Variants in TRPM3 observed in about 807,000 individuals in gnomAD.
The protein encoded by TRPM3 is transient receptor potential cation channel subfamily M member 3.
TRPM3 carries 77 observed loss-of-function variants against 181.2 expected under a neutral mutation model. That is an observed-to-expected ratio of 0.42 (90% CI 0.35 to 0.51). TRPM3 has a LOEUF of 0.51. TRPM3 is among the 20% of genes least tolerant of loss of function. The pLI is 0.01. For synonymous variants in TRPM3, 745 were observed against 796.4 expected, an observed-to-expected ratio of 0.94 and a Z score of 1.09; for missense variants, 1,759 against 2,196.7, an observed-to-expected ratio of 0.80 and a Z score of 3.98.
At chr9:70,913,957 G>C (rs963148347) in intron 1 of TRPM3, among the ~76,000 whole-genome samples, 3 of 152,116 alleles carry the variant, frequency 2.0e-5, no homozygotes, top group African/African-American at 7.2e-5. Context: ...AAGAAATGAA[G>C]GTATTGACCC....
intron 1 of TRPM3, among the ~76,000 whole-genome samples, chr9:71,097,243 C>T (rs1030619692): frequency 1.3e-5 from 2 of 151,826 alleles, no homozygotes; most frequent in African/African-American, 4.8e-5. Context: ...TAGTGATATT[C>T]AGAACACTTA....
rs1323779483 is a variant in TRPM3 at position 70,536,391 on chromosome 9, A to T, written c.4722T>A (p.Ile1574=). ...DTRCVNAPQA[I]ADRAAFPGGL... ...CTCCAGGGAAGGCAGCTCTGTCCGC[A>T]ATTGCTTGAGGGGCATTGACACACC... The change falls in exon 26 of 26, where the codon ATT becomes ATA. Residue 1574 remains isoleucine (I), a synonymous_variant. Coordinates refer to ENST00000677713, the MANE Select transcript of TRPM3 (RefSeq NM_001366145.2). 8 of 1,614,052 alleles carry T rather than the reference A, an allele frequency of 5.0e-6. No homozygotes were observed. In the South Asian group the frequency reaches 8.8e-5, roughly 18 times the overall value.
intron 22 of TRPM3, among the ~76,000 whole-genome samples, chr9:70,558,892 G>A (rs1016220218): frequency 6.6e-6 from 1 of 152,162 alleles, no homozygotes; most frequent in African/African-American, 2.4e-5. Context: ...CATGGCAGAA[G>A]CCTGGAAATG....
At chr9:71,229,657 A>C (rs887151055) in intron 1 of TRPM3, among the ~76,000 whole-genome samples, 13 of 152,232 alleles carry the variant, frequency 8.5e-5, no homozygotes, top group Non-Finnish European at 1.8e-4. Context: ...AAAAGAAGAC[A>C]AATGACAAAT....
At chr9:71,193,985 A>C (rs892153403) in intron 1 of TRPM3, among the ~76,000 whole-genome samples, 3 of 152,010 alleles carry the variant, frequency 2.0e-5, no homozygotes, top group Non-Finnish European at 4.4e-5. Flanking sequence ...ATATGCATAC[A>C]CATATACAAA....
intron 1 of TRPM3, among the ~76,000 whole-genome samples, chr9:71,153,364 C>T (rs533206536): frequency 2.7e-4 from 41 of 150,778 alleles, no homozygotes; most frequent in Non-Finnish European, 5.0e-4. Flanking sequence ...CAATCTCAGC[C>T]CACTGCAACC....
chr9:71,184,326 C>T (rs1172119167), intron 1 of TRPM3, among the ~76,000 whole-genome samples: 1 of 152,128 alleles, frequency 6.6e-6, no homozygotes, highest in Non-Finnish European at 1.5e-5. Flanking sequence ...TCATCCTTAG[C>T]AAGGGCCTCA....
intron 1 of TRPM3, among the ~76,000 whole-genome samples, chr9:71,086,887 T>C (rs921884379): frequency 1.3e-5 from 2 of 152,062 alleles, no homozygotes; most frequent in Non-Finnish European, 2.9e-5. Context: ...TTAGTGCCTC[T>C]TGAAATTTAC....
intron 1 of TRPM3, among the ~76,000 whole-genome samples, chr9:71,145,459 C>T (rs931753783): frequency 7.2e-5 from 11 of 152,112 alleles, no homozygotes; most frequent in African/African-American, 2.7e-4. Context: ...AAATACCACA[C>T]CATTGGACTG....
intron 1 of TRPM3, 69 bp from the exon 2 acceptor site, chr9:70,864,580 T>G: frequency 8.3e-7 from 1 of 1,207,138 alleles, no homozygotes; most frequent in Non-Finnish European, 1.1e-6. Context: ...TGAAATATTT[T>G]TAACTAGAAA....
intron 1 of TRPM3, among the ~76,000 whole-genome samples, chr9:71,008,357 C>T (rs966329551): frequency 1.3e-5 from 2 of 149,808 alleles, no homozygotes; most frequent in Non-Finnish European, 2.9e-5. Flanking sequence ...TATATTAATA[C>T]TTCTCAAACT....
intron 1 of TRPM3, among the ~76,000 whole-genome samples, chr9:70,890,416 T>A (rs942547381): frequency 5.3e-5 from 8 of 151,860 alleles, no homozygotes; most frequent in African/African-American, 4.8e-5. Context: ...ATCAAAAAAA[T>A]TGATATAAGA....
Position 70,924,073 on chromosome 9 carries a change from G to A in TRPM3, c.178-59562C>T, listed in dbSNP as rs553575187. 6.4e-4 allele frequency among the ~76,000 whole-genome samples: 97 copies of A among 151,390 alleles called. 1 individual carries two copies. Among genetic ancestry groups the A allele is most frequent in the Non-Finnish European group, 9.3e-4 (63 of 67,864 alleles). On this transcript the variant is annotated intron_variant, in intron 1 of 25. Coordinates refer to ENST00000677713, the MANE Select transcript of TRPM3 (RefSeq NM_001366145.2). Reference sequence around the variant, plus strand: ...ACTGAGGGCAATTTTGCTGTCTCCCGTCTAGGACATTTGGCAATGTCTGCA... The same window carrying A: ...ACTGAGGGCAATTTTGCTGTCTCCCATCTAGGACATTTGGCAATGTCTGCA...
At chr9:71,075,670 CA>C (rs2063355043) in intron 1 of TRPM3, among the ~76,000 whole-genome samples, 1 of 152,268 alleles carries the variant, frequency 6.6e-6, no homozygotes, top group East Asian at 1.9e-4. Flanking sequence ...ATAAGTAAAT[CA>C]CAAACAATAG....
intron 7 of TRPM3, among the ~76,000 whole-genome samples, chr9:70,778,235 C>T (rs1314333632): frequency 1.9e-4 from 29 of 152,122 alleles, no homozygotes; most frequent in Admixed American, 1.9e-3. Flanking sequence ...TATTAACATA[C>T]ACTGTTCCAT....
rs2040581950 is a variant in TRPM3 at position 70,529,547 on chromosome 9, C to T, written c.*6406G>A. The T allele has an allele frequency of 6.6e-6, 1 of 152,204 alleles. No homozygotes were observed. Among genetic ancestry groups the T allele is most frequent in the South Asian group, 2.1e-4 (1 of 4,830 alleles). 9.4% of individuals were successfully genotyped at this position (152,204 alleles called of 1,614,324 possible). The stretch of plus-strand genomic sequence containing the variant: ...CAGTAGTGACAGGAAGCAGGTAAGT[C>T]TTCATACCATGCTATGGTACTCTTC... On this transcript the variant is annotated 3_prime_UTR_variant, in exon 26 of 26. Transcript: ENST00000677713.
At chr9:71,102,208 T>C (rs1023410063) in intron 1 of TRPM3, among the ~76,000 whole-genome samples, 2 of 152,150 alleles carry the variant, frequency 1.3e-5, no homozygotes, top group Admixed American at 1.3e-4. Flanking sequence ...CTTACTCCCA[T>C]GATTTTGAAA....
chr9:70,577,864 C>T (rs1381327613), intron 22 of TRPM3, among the ~76,000 whole-genome samples: 1 of 152,194 alleles, frequency 6.6e-6, no homozygotes, highest in Non-Finnish European at 1.5e-5. Context: ...TCCTTCGGTG[C>T]TTGAACATTA....
chr9:70,537,042 T>C lies in TRPM3; in HGVS notation c.4071A>G (p.Lys1357=). ...CCAACTTTTCTATACCACCTTTGTC[T>C]TTCATATTGACCGAATAGAAAGAAT... ...RSHSFYSVNM[K]DKGGIEKLES... Residue 1357 remains lysine, a synonymous_variant, in exon 26 of 26, where the codon AAA becomes AAG. Transcript: ENST00000677713. 6.2e-7 allele frequency: 1 copy of C among 1,612,440 alleles called. No homozygotes were observed. Among genetic ancestry groups the C allele is most frequent in the Non-Finnish European group, 8.5e-7 (1 of 1,178,506 alleles).
Sources: gnomAD v4.1 joint callset for allele counts (sites outside exome capture counted in the v4.1 genomes callset) on GRCh38, gnomAD v4.1.1 for gene constraint, MANE v1.5 for transcripts, NCBI Gene and HGNC (gene_info 2026-07-23, HGNC 2026-07-21) for gene names.